Variants in NUCB1 observed in about 807,000 individuals in gnomAD.
NUCB1 encodes the protein nucleobindin-1.
A neutral mutation model predicts 61.2 loss-of-function variants in NUCB1; 47 were observed. That is an observed-to-expected ratio of 0.77 (90% CI 0.61 to 0.98). The LOEUF is 0.98. NUCB1 is among the 50% of genes least tolerant of loss of function. The pLI, the probability that NUCB1 is intolerant of heterozygous loss-of-function variation, is 0.00. For synonymous variants in NUCB1, 234 were observed against 243.1 expected (o/e 0.96, Z 0.35); for missense variants, 583 against 605.3 (o/e 0.96, Z 0.39).
At chr19:48,903,884 GGGTGGGTGGATGGATGGA>G (rs2037383036) in intron 2 of NUCB1, among the ~76,000 whole-genome samples, 1 of 148,082 alleles carries the variant, frequency 6.8e-6, no homozygotes, top group Non-Finnish European at 1.5e-5. Context: ...ATGGATGGAT[GGGTGGGTGGATGGATGGA>G]TGGGTGGATG....
chr19:48,905,970 A>T, intron 4 of NUCB1, 85 bp downstream of exon 4: 1 of 1,054,974 alleles, frequency 9.5e-7, no homozygotes, highest in Non-Finnish European at 1.2e-6. Flanking sequence ...GTTGTGTGCT[A>T]GGCAGGTGAG....
At chr19:48,922,212 G>A in intron 12 of NUCB1, 106 bp from the exon 13 acceptor site, 1 of 924,942 alleles carries the variant, frequency 1.1e-6, no homozygotes, top group Non-Finnish European at 1.7e-6. Context: ...AGGAGGGGCT[G>A]GGGGCTGGAC....
chr19:48,921,066 A>T, intron 10 of NUCB1, 88 bp from the exon 11 acceptor site: 1 of 1,434,532 alleles, frequency 7.0e-7, no homozygotes, highest in Non-Finnish European at 9.4e-7. Context: ...AGCCTCCTCT[A>T]CACCTCCCCC....
chr19:48,913,538 AC>A lies in NUCB1; in HGVS notation c.735del (p.Lys246ArgfsTer55). The A allele has an allele frequency of 6.2e-7, 1 of 1,614,064 alleles. No individual in the cohort carries two copies. On this transcript the variant is annotated frameshift_variant, in exon 7 of 13. Coordinates refer to ENST00000405315, the MANE Select transcript of NUCB1 (RefSeq NM_006184.6). LOFTEE classifies it high-confidence loss of function. ...GATGGACTGGACCCCAACAGGTTTA[AC>A]CCCAAGACCTTCTTCATACTGCATG... ...ELDGLDPNRF[N>X]PKTFFILHDI... is the part of the protein sequence containing the mutation.
intron 5 of NUCB1, among the ~76,000 whole-genome samples, chr19:48,912,800 T>C (rs1220776943): frequency 1.4e-5 from 2 of 139,338 alleles, no homozygotes; most frequent in African/African-American, 2.9e-5. Flanking sequence ...GCAGAGATTG[T>C]GCCACCGCAC....
At chr19:48,911,068 C>A in intron 4 of NUCB1, 81 bp from the exon 5 acceptor site, 1 of 1,049,242 alleles carries the variant, frequency 9.5e-7, no homozygotes, top group Non-Finnish European at 1.4e-6. Context: ...CTGTCCGTGA[C>A]TTCTTTGGAT....
chr19:48,913,535 T>G lies in NUCB1; in HGVS notation c.728T>G (p.Phe243Cys), dbSNP rs2037503828. ...EELDGLDPNR[F>C]NPKTFFILHD... The stretch of plus-strand genomic sequence containing the variant: ...CTGGATGGACTGGACCCCAACAGGT[T>G]TAACCCCAAGACCTTCTTCATACTG... The change falls in exon 7 of 13, where the codon TTT becomes TGT. Residue 243 changes from phenylalanine (F) to cysteine (C), a missense_variant. Physicochemically the swap from Phe to Cys is radical, Grantham distance 205 (BLOSUM62 -2). Transcript: ENST00000405315. 1 of 1,614,154 alleles carries G rather than the reference T, an allele frequency of 6.2e-7. No individual in the cohort carries two copies. The highest frequency in any genetic ancestry group is 8.5e-7 in the Non-Finnish European group (1 of 1,180,016).
intron 3 of NUCB1, 145 bp downstream of exon 3, chr19:48,904,599 A>G (rs2037392888): frequency 6.8e-6 from 4 of 589,594 alleles, no homozygotes; most frequent in Non-Finnish European, 1.2e-5. Flanking sequence ...ATCTCAGCTC[A>G]CTGCACCTCC....
At chr19:48,912,987 G>A (rs1250963377) in intron 5 of NUCB1, 24 bp from the exon 6 acceptor site, 4 of 1,573,266 alleles carry the variant, frequency 2.5e-6, no homozygotes, top group Admixed American at 1.8e-5. Context: ...GGGCAGAGGG[G>A]AATGACCCTG....
At chr19:48,902,415 T>C (rs1322434957) in intron 2 of NUCB1, among the ~76,000 whole-genome samples, 1 of 115,116 alleles carries the variant, frequency 8.7e-6, no homozygotes, top group Non-Finnish European at 1.6e-5. Flanking sequence ...TTTCTTTTCC[T>C]TTTTCTTTTT....
chr19:48,917,436 A>G (rs935309627), intron 7 of NUCB1, among the ~76,000 whole-genome samples: 2 of 150,574 alleles, frequency 1.3e-5, no homozygotes, highest in African/African-American at 4.9e-5. Flanking sequence ...TGATTCTTCC[A>G]CCTCAACCCT....
chr19:48,921,800 G>A (rs1331646610), intron 11 of NUCB1, 27 bp from the exon 12 acceptor site: 1 of 1,605,218 alleles, frequency 6.2e-7, no homozygotes, highest in Non-Finnish European at 8.5e-7. Flanking sequence ...ACACCCTCTT[G>A]TCTGTGTGAC....
At position 48,921,378 on chromosome 19, in the gene NUCB1, G is replaced by A. The variant is rs142771381; in HGVS notation, c.1173+54G>A. On this transcript the variant is annotated intron_variant, in intron 11 of 12. Coordinates refer to ENST00000405315, the MANE Select transcript of NUCB1 (RefSeq NM_006184.6). ...ACTGAATCTCTGGCTGCCCGTGTCC[G>A]TGTCCCCATGGGTGTCCAGAAGCTG... is the stretch of plus-strand genomic sequence containing the variant. 8.0e-3 allele frequency: 12,264 copies of A among 1,537,852 alleles called. 65 individuals carry two copies. Among genetic ancestry groups the A allele is most frequent in the Non-Finnish European group, 9.4e-3 (10,624 of 1,136,218 alleles).
chr19:48,904,165 G>A (rs2037387493), intron 2 of NUCB1, among the ~76,000 whole-genome samples, 182 bp from the exon 3 acceptor site: 1 of 152,110 alleles, frequency 6.6e-6, no homozygotes, highest in African/African-American at 2.4e-5. Context: ...ACCCACTCTG[G>A]GCAGTATTGG....
Position 48,918,710 on chromosome 19 carries a change from A to C in NUCB1, c.758-16A>C. ...CCTCGGTCCCCTGAGATACCTTGCTATCCTCTTCCCTTCAGATATCAACAG... is the reference window on the plus strand; with the variant it reads ...CCTCGGTCCCCTGAGATACCTTGCTCTCCTCTTCCCTTCAGATATCAACAG... On this transcript the variant is annotated splice_polypyrimidine_tract_variant and intron_variant, in intron 7 of 12. Coordinates refer to ENST00000405315, the MANE Select transcript of NUCB1 (RefSeq NM_006184.6). 6.2e-7 allele frequency: 1 copy of C among 1,611,370 alleles called. No individual in the cohort carries two copies. The highest frequency in any genetic ancestry group is 8.5e-7 in the Non-Finnish European group (1 of 1,177,508).
intron 8 of NUCB1, 55 bp downstream of exon 8, chr19:48,918,839 T>C (rs1361521137): frequency 6.6e-7 from 1 of 1,517,536 alleles, no homozygotes; most frequent in African/African-American, 1.4e-5. Flanking sequence ...CAGCCACTTG[T>C]TTCCTCCTGC....
intron 6 of NUCB1, 86 bp from the exon 7 acceptor site, chr19:48,913,388 T>C (rs547644073): frequency 3.8e-5 from 50 of 1,305,730 alleles, no homozygotes; most frequent in Non-Finnish European, 5.3e-5. Flanking sequence ...AGATGATGTT[T>C]GTTGGATGAG....
intron 4 of NUCB1, among the ~76,000 whole-genome samples, chr19:48,908,925 A>C (rs1568584971): frequency 1.3e-5 from 2 of 151,984 alleles, no homozygotes; most frequent in Admixed American, 6.6e-5. Flanking sequence ...CCTGCCTGGA[A>C]ACCCTACCCC....
intron 7 of NUCB1, among the ~76,000 whole-genome samples, chr19:48,914,781 A>AT (rs1310706078): frequency 6.7e-6 from 1 of 150,364 alleles, no homozygotes; most frequent in African/African-American, 2.5e-5. Flanking sequence ...CCCTGTCTCT[A>AT]TTTAAAAAAA....
Sources: allele counts gnomAD v4.1 joint callset (sites outside exome capture counted in the v4.1 genomes callset), GRCh38; gene constraint gnomAD v4.1.1; transcripts MANE v1.5; gene names NCBI Gene and HGNC (gene_info 2026-07-23, HGNC 2026-07-21).